LRRC8D: variants seen among roughly 807,000 people sequenced by gnomAD.
LRRC8D encodes leucine rich repeat containing 8 VRAC subunit D, also known as volume-regulated anion channel subunit LRRC8D.
In LRRC8D, 20 loss-of-function variants were observed where a neutral mutation model predicts 55.8. That is an observed-to-expected ratio of 0.36 (90% CI 0.25 to 0.52). The LOEUF is 0.52. Ranked by LOEUF, LRRC8D falls within the 20% of genes least tolerant of loss-of-function variation. LRRC8D has a pLI of 0.93. For missense variants in LRRC8D, 651 were observed against 1,030.8 expected, an observed-to-expected ratio of 0.63 and a Z score of 5.05; for synonymous variants, 352 against 377.0, an observed-to-expected ratio of 0.93 and a Z score of 0.77.
At chr1:89,931,633 C>T (rs980101023) in intron 2 of LRRC8D, among the ~76,000 whole-genome samples, 1 of 152,102 alleles carries the variant, frequency 6.6e-6, no homozygotes, top group African/African-American at 2.4e-5. Flanking sequence ...GTGGTGGATG[C>T]CTGTAGTCCC....
chr1:89,885,359 A>T (rs1662393765), intron 2 of LRRC8D, among the ~76,000 whole-genome samples: 1 of 152,212 alleles, frequency 6.6e-6, no homozygotes, highest in Admixed American at 6.5e-5. Context: ...TGCATGTATT[A>T]TGAGTCATAA....
chr1:89,933,847 A>C lies in LRRC8D; in HGVS notation c.779A>C (p.Lys260Thr). 1 of 1,614,010 alleles carries C rather than the reference A, an allele frequency of 6.2e-7. No individual in the cohort carries two copies. The highest frequency in any genetic ancestry group is 8.5e-7 in the Non-Finnish European group (1 of 1,179,930). The stretch of plus-strand genomic sequence containing the variant: ...CCAATGATCAATAAAACTGGCTTTA[A>C]ATTTTCAGCTGAGAAGCCTGTGATT... ...STPMINKTGF[K>T]FSAEKPVIEV... Residue 260 changes from lysine (K) to threonine (T), a missense_variant, in exon 3 of 3, where the codon AAA becomes ACA. Coordinates refer to ENST00000337338, the MANE Select transcript of LRRC8D (RefSeq NM_001134479.2). The surrounding 1 kb of genome is among the most constrained non-coding windows in gnomAD (Gnocchi z 7.0).
chr1:89,871,973 A>G (rs1436398358), intron 2 of LRRC8D, among the ~76,000 whole-genome samples: 2 of 152,094 alleles, frequency 1.3e-5, no homozygotes, highest in Admixed American at 1.3e-4. Flanking sequence ...TTCATTTGGC[A>G]TTGGGGCCAT....
intron 2 of LRRC8D, among the ~76,000 whole-genome samples, chr1:89,929,074 T>C (rs967124074): frequency 2.0e-5 from 3 of 152,224 alleles, no homozygotes; most frequent in East Asian, 1.9e-4. Flanking sequence ...GTGTCAGGCA[T>C]TGGATACATA....
At chr1:89,894,913 G>A (rs766882317) in intron 2 of LRRC8D, among the ~76,000 whole-genome samples, 2 of 152,134 alleles carry the variant, frequency 1.3e-5, no homozygotes, top group Non-Finnish European at 2.9e-5. Context: ...AAAGTTCTGA[G>A]TGCTTTCAAC....
chr1:89,859,303 C>T (rs771853301), intron 2 of LRRC8D, among the ~76,000 whole-genome samples: 7 of 151,208 alleles, frequency 4.6e-5, no homozygotes, highest in South Asian at 2.1e-4. Context: ...ACTCCATACA[C>T]GGAGATAGTA....
intron 1 of LRRC8D, among the ~76,000 whole-genome samples, chr1:89,832,933 C>G (rs1030886096): frequency 6.6e-6 from 1 of 152,162 alleles, no homozygotes; most frequent in Non-Finnish European, 1.5e-5. Context: ...GACAACAGCC[C>G]CATTTTGTAG....
chr1:89,933,241 T>G lies in LRRC8D; in HGVS notation c.173T>G (p.Leu58Trp). The stretch of plus-strand genomic sequence containing the variant: ...GATCAGGTGGTCTGTTTGCCAGTAT[T>G]GCCATCTCCTGTAAATTCAAAGGCA... ...TKDQVVCLPVLPSPVNSKAHT... is the reference protein window; with the variant it reads ...TKDQVVCLPVWPSPVNSKAHT... The change falls in exon 3 of 3, where the codon TTG becomes TGG. Residue 58 changes from leucine to tryptophan, a missense_variant. Around this residue, in one of 5 missense-constraint regions of LRRC8D, gnomAD observed 118 missense variants for 138.0 expected, o/e 0.85. Transcript: ENST00000337338. The surrounding 1 kb of genome is among the most constrained non-coding windows in gnomAD (Gnocchi z 7.0). 6.2e-7 allele frequency: 1 copy of G among 1,614,160 alleles called. No homozygotes were observed. The highest frequency in any genetic ancestry group is 8.5e-7 in the Non-Finnish European group (1 of 1,180,034).
rs779911215 is a variant in LRRC8D at position 89,933,842 on chromosome 1, C to G, written c.774C>G (p.Gly258=). ...GTACACCAATGATCAATAAAACTGG[C>G]TTTAAATTTTCAGCTGAGAAGCCTG... ...SASTPMINKT[G]FKFSAEKPVI... The change falls in exon 3 of 3, where the codon GGC becomes GGG. Residue 258 remains glycine, a synonymous_variant. Transcript: ENST00000337338. The surrounding 1 kb of genome is among the most constrained non-coding windows in gnomAD (Gnocchi z 7.0). 2.5e-6 allele frequency: 4 copies of G among 1,613,842 alleles called. No individual in the cohort carries two copies. The South Asian group carries it at 3.3e-5, about 13-fold the overall frequency.
intron 1 of LRRC8D, among the ~76,000 whole-genome samples, chr1:89,840,209 GCACA>G (rs951280313): frequency 6.7e-6 from 1 of 148,408 alleles, no homozygotes; most frequent in African/African-American, 2.5e-5. Flanking sequence ...ACATACACGT[GCACA>G]CACACACGTG....
chr1:89,837,910 G>T (rs1266242550), intron 1 of LRRC8D, among the ~76,000 whole-genome samples: 1 of 151,926 alleles, frequency 6.6e-6, no homozygotes, highest in Non-Finnish European at 1.5e-5. Context: ...GTATAATGGA[G>T]AATTGTATTC....
intron 1 of LRRC8D, among the ~76,000 whole-genome samples, chr1:89,837,301 G>A (rs1255232543): frequency 6.6e-6 from 1 of 152,048 alleles, no homozygotes; most frequent in Non-Finnish European, 1.5e-5. Flanking sequence ...ACTTCCTAAA[G>A]CTTTCAGCCT....
At chr1:89,872,589 A>C (rs1046666814) in intron 2 of LRRC8D, among the ~76,000 whole-genome samples, 1 of 152,260 alleles carries the variant, frequency 6.6e-6, no homozygotes, top group African/African-American at 2.4e-5. Flanking sequence ...GAATTTTCTT[A>C]AGGATAACCA....
At chr1:89,867,927 A>G (rs1661893405) in intron 2 of LRRC8D, among the ~76,000 whole-genome samples, 1 of 152,242 alleles carries the variant, frequency 6.6e-6, no homozygotes, top group Non-Finnish European at 1.5e-5. Context: ...TTGAAAGACA[A>G]AGAGTAAATG....
chr1:89,924,632 A>G (rs1414873001), intron 2 of LRRC8D, among the ~76,000 whole-genome samples: 1 of 152,224 alleles, frequency 6.6e-6, no homozygotes, highest in Non-Finnish European at 1.5e-5. Context: ...TTGCAGCACT[A>G]TTCACAATAG....
intron 2 of LRRC8D, among the ~76,000 whole-genome samples, chr1:89,922,522 CAG>C (rs1225859179): frequency 6.6e-6 from 1 of 152,196 alleles, no homozygotes; most frequent in Non-Finnish European, 1.5e-5. Context: ...AAGACTAAGA[CAG>C]ACTTTTCTCC....
intron 1 of LRRC8D, among the ~76,000 whole-genome samples, chr1:89,837,751 G>C (rs1661033670): frequency 6.6e-6 from 1 of 152,198 alleles, no homozygotes; most frequent in Non-Finnish European, 1.5e-5. Flanking sequence ...AAAGTTTCTG[G>C]AGTTTTCAGG....
Position 89,934,338 on chromosome 1 carries a change from G to A in LRRC8D, c.1270G>A (p.Asp424Asn). The A allele has an allele frequency of 6.2e-7, 1 of 1,613,760 alleles. No homozygotes were observed. The highest frequency in any genetic ancestry group is 8.5e-7 in the Non-Finnish European group (1 of 1,179,904). Residue 424 changes from aspartate (D) to asparagine (N), a missense_variant, in exon 3 of 3, where the codon GAC becomes AAC. Around this residue, in one of 5 missense-constraint regions of LRRC8D, gnomAD observed 178 missense variants for 374.9 expected, o/e 0.47. Transcript: ENST00000337338. This position sits in a 1 kb window ranked among gnomAD's most constrained non-coding sequence, Gnocchi z 5.9. ...TTTTGCGTTCCTTCTTCACATGGTA[G>A]ACCAGTATGACCAGCTATATTCCAA... The part of the protein sequence containing the change: ...NDFAFLLHMV[D>N]QYDQLYSKRF...
rs1300177848 is a variant in LRRC8D at position 89,923,982 on chromosome 1, GAA to G, written c.-2-9082_-2-9081del. ...GACCTAAAACAATAAAAACTCTGAA[GAA>G]AACCTAAAAAATACTATTCTGGATG... On this transcript the variant is annotated intron_variant, in intron 2 of 2. Transcript: ENST00000337338. Among the ~76,000 whole-genome samples, 8 of 152,310 alleles carry G rather than the reference GAA, an allele frequency of 5.3e-5. No individual in the cohort carries two copies. The East Asian group carries it at 1.5e-3, about 29-fold the overall frequency.
Sources: gnomAD v4.1 joint callset for allele counts (sites outside exome capture counted in the v4.1 genomes callset) on GRCh38, gnomAD v4.1.1 for gene constraint, gnomAD v4.1.1 regional missense constraint, Gnocchi (gnomAD v3.1) non-coding constraint, MANE v1.5 for transcripts, NCBI Gene and HGNC (gene_info 2026-07-23, HGNC 2026-07-21) for gene names.